The following ARFGEF2 variants were observed in gnomAD, a reference collection of about 807,000 sequenced individuals.
The protein encoded by ARFGEF2 is ARF guanine nucleotide exchange factor 2.
In ARFGEF2, 74 loss-of-function variants were observed where a neutral mutation model predicts 219.9. The ratio of observed to expected loss-of-function variants is 0.34; its 90% CI spans 0.28 to 0.41. The LOEUF (loss-of-function observed/expected upper bound fraction) is 0.41, where lower values mean the gene tolerates loss of function less well. ARFGEF2 is among the 10% of genes least tolerant of loss of function. ARFGEF2 has a pLI of 1.00. For missense variants in ARFGEF2, 1,743 were observed against 2,218.3 expected (o/e 0.79, Z 4.30); for synonymous variants, 733 against 799.2 (o/e 0.92, Z 1.40).
rs1316582043 is a variant in ARFGEF2 at position 48,935,937 on chromosome 20, C to CG, written c.122-5251dup. On this transcript the variant is annotated intron_variant, in intron 1 of 38. Transcript: ENST00000371917. ...TCACTTCCCGCATGGGGCGGCTGGC[C>CG]GGGGGGGGGGGCTGACCCCCCTACC... Among the ~76,000 whole-genome samples, 330 of 81,326 alleles carry CG rather than the reference C, an allele frequency of 4.1e-3. 12 individuals carry two copies. The highest frequency in any genetic ancestry group is 0.017 in the African/African-American group (248 of 14,438). The allele number at this position is 81,326 out of a possible 152,430, so 53.4% of individuals were successfully genotyped here.
chr20:48,965,655 C>T (rs554937863), intron 7 of ARFGEF2, among the ~76,000 whole-genome samples: 9 of 152,222 alleles, frequency 5.9e-5, no homozygotes, highest in African/African-American at 2.2e-4. Flanking sequence ...TTGCTGTGGC[C>T]CTGGCAGTGG....
chr20:49,000,765 G>A (rs1288168739), intron 25 of ARFGEF2, among the ~76,000 whole-genome samples: 1 of 152,192 alleles, frequency 6.6e-6, no homozygotes, highest in Non-Finnish European at 1.5e-5. Flanking sequence ...AGCTAAAAGT[G>A]TTTTGGTAAA....
In ARFGEF2 at chr20:49,002,926, G is replaced by A. The variant is rs147686328; in HGVS notation, c.3433-2144G>A. ...CTCCCAAAGTGCTGGGATTACAGGCGTGAGCCACCACGCTTGGCCCAATTT... is the reference window on the plus strand; with the variant it reads ...CTCCCAAAGTGCTGGGATTACAGGCATGAGCCACCACGCTTGGCCCAATTT... On this transcript the variant is annotated intron_variant, in intron 25 of 38. Coordinates refer to ENST00000371917, the MANE Select transcript of ARFGEF2 (RefSeq NM_006420.3). Among the ~76,000 whole-genome samples, 508 of 150,586 alleles carry A rather than the reference G, an allele frequency of 3.4e-3. 3 individuals are homozygous for A. Among genetic ancestry groups the A allele is most frequent in the Admixed American group, 5.3e-3 (80 of 15,098 alleles).
chr20:48,967,066 C>G (rs2091192516), intron 8 of ARFGEF2, among the ~76,000 whole-genome samples: 1 of 152,160 alleles, frequency 6.6e-6, no homozygotes, highest in African/African-American at 2.4e-5. Flanking sequence ...CCAGGGTGAT[C>G]TTGAACTAGG....
At position 48,930,943 on chromosome 20, in the gene ARFGEF2, A is replaced by G. The variant is rs977762453; in HGVS notation, c.121+8933A>G. On this transcript the variant is annotated intron_variant, in intron 1 of 38. Transcript: ENST00000371917. ...TAAGAAGCGGAGGAAAGATGAGGAA[A>G]ATATGTGGTTATGAAGCCCGAAGTC... is the stretch of plus-strand genomic sequence containing the variant. Among the ~76,000 whole-genome samples the G allele has an allele frequency of 4.7e-4, 71 of 152,212 alleles. 1 individual carries two copies. The highest frequency in any genetic ancestry group is 1.5e-5 in the Non-Finnish European group (1 of 68,048).
chr20:48,965,910 G>A lies in ARFGEF2; in HGVS notation c.946G>A (p.Val316Ile), dbSNP rs2091184244. The change falls in exon 8 of 39, where the codon GTT becomes ATT. Residue 316 changes from valine (V) to isoleucine (I), a missense_variant. Coordinates refer to ENST00000371917, the MANE Select transcript of ARFGEF2 (RefSeq NM_006420.3). ...GCATGGTCTGACAGAACCTGAGAGAGTTCTAGGTGAACTGGAGTGCCAGGA... is the reference window on the plus strand; with the variant it reads ...GCATGGTCTGACAGAACCTGAGAGAATTCTAGGTGAACTGGAGTGCCAGGA... ...EKHGLTEPER[V>I]LGELECQECA... 1 of 1,614,094 alleles carries A rather than the reference G, an allele frequency of 6.2e-7. No homozygotes were observed. Among genetic ancestry groups the A allele is most frequent in the African/African-American group, 1.3e-5 (1 of 74,930 alleles).
chr20:48,942,229 G>A (rs1163311806), intron 3 of ARFGEF2, among the ~76,000 whole-genome samples: 5 of 152,132 alleles, frequency 3.3e-5, no homozygotes, highest in Admixed American at 1.3e-4. Context: ...CATGTCTTGT[G>A]TATGTTTTTC....
chr20:48,947,728 C>A (rs778103071), intron 3 of ARFGEF2, among the ~76,000 whole-genome samples: 1 of 152,068 alleles, frequency 6.6e-6, no homozygotes, highest in Non-Finnish European at 1.5e-5. Context: ...TAGTGGCATG[C>A]GCCTGTGGTT....
chr20:49,013,750 T>C (rs1478955891), intron 29 of ARFGEF2, 56 bp downstream of exon 29: 1 of 1,613,930 alleles, frequency 6.2e-7, no homozygotes, highest in African/African-American at 1.3e-5. Flanking sequence ...CCTCAGTCAC[T>C]TGCTCACCTG....
chr20:48,972,569 C>A (rs1412528705), intron 11 of ARFGEF2, 144 bp downstream of exon 11: 5 of 741,326 alleles, frequency 6.7e-6, no homozygotes. Flanking sequence ...TGCCCCACCT[C>A]TCCTTTTTTA....
At chr20:48,966,795 T>A (rs1337764764) in intron 8 of ARFGEF2, among the ~76,000 whole-genome samples, 1 of 152,186 alleles carries the variant, frequency 6.6e-6, no homozygotes, top group Non-Finnish European at 1.5e-5. Context: ...AAACTGGATA[T>A]CCATATGCTA....
chr20:48,998,441 A>G lies in ARFGEF2; in HGVS notation c.3368A>G (p.Asn1123Ser). 5.0e-6 allele frequency: 8 copies of G among 1,614,124 alleles called. No homozygotes were observed. Among genetic ancestry groups the G allele is most frequent in the Non-Finnish European group, 6.8e-6 (8 of 1,180,024 alleles). The change falls in exon 25 of 39, where the codon AAC (asparagine) becomes AGC (serine). Residue 1123 changes from asparagine (N) to serine (S), a missense_variant. Transcript: ENST00000371917. ...AAGATTGTGGAGATATCATACTACA[A>G]CATGAATCGGATCCGACTACAGTGG... ...LQKIVEISYYNMNRIRLQWSR... is the reference protein window; with the variant it reads ...LQKIVEISYYSMNRIRLQWSR...
rs397957165 is a variant in ARFGEF2 at position 49,035,993 on chromosome 20, GA to G, written c.*2806del. On this transcript the variant is annotated 3_prime_UTR_variant, in exon 39 of 39. Transcript: ENST00000371917. ...CTGGCAGGTGACTTTTGTACGAAAT[GA>G]AAAAAAAAAAACCTGTATTTTTTTT... 4,838 of 335,044 alleles carry G rather than the reference GA, an allele frequency of 0.014. 17 individuals carry two copies. Among genetic ancestry groups the G allele is most frequent in the African/African-American group, 0.026 (1,190 of 45,924 alleles). 20.8% of individuals were successfully genotyped at this position (335,044 alleles called of 1,614,324 possible). A position where few individuals can be genotyped will look rare whatever the true frequency, so the allele number is the denominator to read the frequency against.
chr20:48,940,313 G>A (rs1454603452), intron 1 of ARFGEF2, among the ~76,000 whole-genome samples: 3 of 152,110 alleles, frequency 2.0e-5, no homozygotes, highest in African/African-American at 7.2e-5. Flanking sequence ...TGGTTAAGAT[G>A]GTAAATTTTA....
At chr20:48,989,725 T>C in intron 20 of ARFGEF2, 41 bp downstream of exon 20, 8 of 1,613,174 alleles carry the variant, frequency 5.0e-6, no homozygotes, top group Non-Finnish European at 6.8e-6. Context: ...ACTGGTGGGT[T>C]GTGCTCTTTT....
chr20:48,964,593 C>T lies in ARFGEF2; in HGVS notation c.907+695C>T, dbSNP rs139018429. Among the ~76,000 whole-genome samples, 292 of 152,280 alleles carry T rather than the reference C, an allele frequency of 1.9e-3. 1 individual carries two copies. Among genetic ancestry groups the T allele is most frequent in the African/African-American group, 6.7e-3 (279 of 41,548 alleles). ...CCATTGATGTGTCAAGGGGACAGTC[C>T]ACATGTCAGCAGGTATCAGGTGTAC... On this transcript the variant is annotated intron_variant, in intron 7 of 38. Transcript: ENST00000371917.
chr20:49,016,280 A>G lies in ARFGEF2; in HGVS notation c.4180A>G (p.Lys1394Glu). 2.5e-6 allele frequency: 4 copies of G among 1,613,944 alleles called. No individual in the cohort carries two copies. Among genetic ancestry groups the G allele is most frequent in the Non-Finnish European group, 3.4e-6 (4 of 1,179,936 alleles). ...NMKLPEQLSE[K>E]SEWMTTTCNH... ...AAGTGTCATCTTTTTGTTTTCCCAG[A>G]AATCTGAGTGGATGACAACAACCTG... Residue 1394 changes from lysine (K) to glutamate (E), a missense_variant and splice_region_variant, in exon 31 of 39, where the codon AAA (lysine) becomes GAA (glutamate). This residue lies in a region of ARFGEF2 where 578 missense variants were observed against 664.0 expected (regional missense o/e 0.87). Coordinates refer to ENST00000371917, the MANE Select transcript of ARFGEF2 (RefSeq NM_006420.3).
chr20:48,927,613 G>A (rs191815970), intron 1 of ARFGEF2, among the ~76,000 whole-genome samples: 10 of 152,004 alleles, frequency 6.6e-5, no homozygotes, highest in African/African-American at 2.2e-4. Context: ...GCTTGAACCC[G>A]GGAGGTGGAG....
intron 3 of ARFGEF2, 120 bp from the exon 4 acceptor site, chr20:48,951,203 T>C (rs980018223): frequency 4.8e-6 from 6 of 1,251,364 alleles, no homozygotes; most frequent in Non-Finnish European, 6.8e-6. Flanking sequence ...GCCTGGCTCC[T>C]GGGGAGCAGA....
Sources: gnomAD v4.1 joint callset for allele counts (sites outside exome capture counted in the v4.1 genomes callset) on GRCh38, gnomAD v4.1.1 for gene constraint, gnomAD v4.1.1 regional missense constraint, MANE v1.5 for transcripts, NCBI Gene and HGNC (gene_info 2026-07-23, HGNC 2026-07-21) for gene names.